CYP7B1: variants seen among roughly 807,000 people sequenced by gnomAD.
The protein encoded by CYP7B1 is cytochrome P450 family 7 subfamily B member 1.
Under a neutral mutation model 42.7 loss-of-function variants are expected in CYP7B1, and 29 were observed. The ratio of observed to expected loss-of-function variants is 0.68; its 90% CI spans 0.51 to 0.93. The LOEUF (loss-of-function observed/expected upper bound fraction) is 0.93, where lower values mean the gene tolerates loss of function less well. Among genes scored for constraint, CYP7B1 ranks in the 40% least tolerant of loss-of-function variants. The pLI is 0.00. For missense variants in CYP7B1, 655 were observed against 600.5 expected (o/e 1.09, Z -0.95); for synonymous variants, 235 against 218.2 (o/e 1.08, Z -0.68).
chr8:64,701,990 T>C (rs1171583540), intron 1 of CYP7B1, among the ~76,000 whole-genome samples: 1 of 152,016 alleles, frequency 6.6e-6, no homozygotes, highest in Non-Finnish European at 1.5e-5. Context: ...CACAATGGCA[T>C]TGAATTTATT....
intron 4 of CYP7B1, among the ~76,000 whole-genome samples, chr8:64,607,184 C>T (rs996281580): frequency 2.6e-5 from 4 of 152,066 alleles, no homozygotes; most frequent in African/African-American, 9.7e-5. Flanking sequence ...ATTTTTTCCC[C>T]CTTCTCACAC....
chr8:64,754,252 CATG>C (rs1807774429), intron 1 of CYP7B1, among the ~76,000 whole-genome samples: 1 of 152,126 alleles, frequency 6.6e-6, no homozygotes, highest in Non-Finnish European at 1.5e-5. Context: ...GAGTGGTACG[CATG>C]ATATGATTAC....
chr8:64,629,859 T>C (rs1410329151), intron 1 of CYP7B1, among the ~76,000 whole-genome samples: 2 of 152,284 alleles, frequency 1.3e-5, no homozygotes, highest in East Asian at 1.9e-4. Context: ...AGTATCTCAA[T>C]ACAAGGCTGT....
intron 1 of CYP7B1, among the ~76,000 whole-genome samples, chr8:64,627,901 A>T (rs558410159): frequency 6.6e-6 from 1 of 152,228 alleles, no homozygotes; most frequent in Non-Finnish European, 1.5e-5. Flanking sequence ...GGGAGGAAAG[A>T]CATCACCATA....
chr8:64,638,083 A>G (rs564072321), intron 1 of CYP7B1, among the ~76,000 whole-genome samples: 10 of 152,046 alleles, frequency 6.6e-5, no homozygotes, highest in Admixed American at 2.6e-4. Context: ...CATAAATGCA[A>G]TTTCTACTCT....
At chr8:64,768,375 G>A (rs1470520140) in intron 1 of CYP7B1, among the ~76,000 whole-genome samples, 1 of 151,124 alleles carries the variant, frequency 6.6e-6, no homozygotes, top group Non-Finnish European at 1.5e-5. Context: ...AAAAAAAAAA[G>A]TGTTATTTAC....
rs1415229452 is a variant in CYP7B1, at chr8:64,685,483, TC to T, written c.123-60945del. ...AGGAGCGTCTCTGCCCGGCCGCCCA[TC>T]GTCTGAGATGTGGGGAGCGCCTCTG... is the stretch of plus-strand genomic sequence containing the variant. On this transcript the variant is annotated intron_variant, in intron 1 of 5. Coordinates refer to ENST00000310193, the MANE Select transcript of CYP7B1 (RefSeq NM_004820.5). Among the ~76,000 whole-genome samples, 58 of 37,194 alleles carry T rather than the reference TC, an allele frequency of 1.6e-3. 1 individual carries two copies. Among genetic ancestry groups the T allele is most frequent in the African/African-American group, 5.0e-3 (51 of 10,138 alleles). The allele number at this position is 37,194 out of a possible 152,430, so 24.4% of individuals were successfully genotyped here.
intron 1 of CYP7B1, among the ~76,000 whole-genome samples, chr8:64,768,063 G>A (rs1804136958): frequency 6.6e-6 from 1 of 152,164 alleles, no homozygotes; most frequent in Non-Finnish European, 1.5e-5. Context: ...GATTTCCTAA[G>A]TCGACTAAGA....
At chr8:64,760,941 A>T (rs1327177046) in intron 1 of CYP7B1, among the ~76,000 whole-genome samples, 2 of 152,186 alleles carry the variant, frequency 1.3e-5, no homozygotes, top group African/African-American at 4.8e-5. Context: ...CAAGATATGG[A>T]AATAACCTAA....
At chr8:64,598,511 G>T (rs1805151394) in intron 5 of CYP7B1, among the ~76,000 whole-genome samples, 1 of 152,142 alleles carries the variant, frequency 6.6e-6, no homozygotes, top group African/African-American at 2.4e-5. Context: ...GATTTATTAG[G>T]AAGCCTCTCA....
chr8:64,703,475 C>T (rs189156465), intron 1 of CYP7B1, among the ~76,000 whole-genome samples: 1 of 151,942 alleles, frequency 6.6e-6, no homozygotes, highest in East Asian at 1.9e-4. Flanking sequence ...TAATACCATA[C>T]AAAAGAAGCC....
chr8:64,587,714 T>C (rs914125591), downstream of CYP7B1: 1 of 152,274 alleles, frequency 6.6e-6, no homozygotes, highest in African/African-American at 2.4e-5. Flanking sequence ...TTATCAAGTA[T>C]ACTAGAATGT....
At chr8:64,644,423 A>G (rs1210244185) in intron 1 of CYP7B1, among the ~76,000 whole-genome samples, 1 of 152,138 alleles carries the variant, frequency 6.6e-6, no homozygotes, top group Non-Finnish European at 1.5e-5. Context: ...TCCCAGCTCC[A>G]TCGGAGGCAT....
At chr8:64,610,029 G>A (rs1805340872) in intron 4 of CYP7B1, among the ~76,000 whole-genome samples, 1 of 152,180 alleles carries the variant, frequency 6.6e-6, no homozygotes, top group African/African-American at 2.4e-5. Flanking sequence ...GTTCCAATGA[G>A]CAATCAAAGC....
intron 1 of CYP7B1, among the ~76,000 whole-genome samples, chr8:64,791,183 C>A (rs915706182): frequency 2.0e-5 from 3 of 152,282 alleles, no homozygotes; most frequent in East Asian, 1.9e-4. Flanking sequence ...ATTGTTTAGA[C>A]CACTCAGTTT....
chr8:64,624,574 G>T, intron 1 of CYP7B1, 35 bp from the exon 2 acceptor site: 1 of 1,608,874 alleles, frequency 6.2e-7, no homozygotes. Flanking sequence ...AAGAACAAAA[G>T]AAAAATCAAA....
intron 1 of CYP7B1, among the ~76,000 whole-genome samples, chr8:64,673,167 T>A (rs992859087): frequency 6.6e-6 from 1 of 152,106 alleles, no homozygotes; most frequent in African/African-American, 2.4e-5. Context: ...ATGGGGGATG[T>A]GTCCTGTTGT....
chr8:64,660,728 G>C (rs1806187948), intron 1 of CYP7B1, among the ~76,000 whole-genome samples: 1 of 152,134 alleles, frequency 6.6e-6, no homozygotes, highest in Non-Finnish European at 1.5e-5. Context: ...AATAAGTCTA[G>C]CCCATACTCA....
intron 1 of CYP7B1, among the ~76,000 whole-genome samples, chr8:64,736,318 CTCT>C (rs1355798567): frequency 1.3e-5 from 2 of 152,160 alleles, no homozygotes; most frequent in Non-Finnish European, 2.9e-5. Flanking sequence ...CTCCATCCAT[CTCT>C]TATGGAATGT....
Sources: gnomAD v4.1 joint callset for allele counts (sites outside exome capture counted in the v4.1 genomes callset) on GRCh38, gnomAD v4.1.1 for gene constraint, MANE v1.5 for transcripts, NCBI Gene and HGNC (gene_info 2026-07-23, HGNC 2026-07-21) for gene names.